Variants in GPC6 observed in about 807,000 individuals in gnomAD.
The protein encoded by GPC6 is glypican-6.
Under a neutral mutation model 55.2 loss-of-function variants are expected in GPC6, and 14 were observed. The ratio of observed to expected loss-of-function variants is 0.25; its 90% CI spans 0.17 to 0.40. The LOEUF (loss-of-function observed/expected upper bound fraction) is 0.40, where lower values mean the gene tolerates loss of function less well. Among genes scored for constraint, GPC6 ranks in the 10% least tolerant of loss-of-function variants. The pLI is 1.00. For synonymous variants in GPC6, 278 were observed against 259.6 expected (o/e 1.07, Z -0.68); for missense variants, 641 against 708.5 (o/e 0.90, Z 1.08).
At chr13:94,375,517 A>G (rs1377030305) in intron 6 of GPC6, among the ~76,000 whole-genome samples, 3 of 152,152 alleles carry the variant, frequency 2.0e-5, no homozygotes, top group African/African-American at 7.2e-5. Context: ...GAATCTCTGA[A>G]TAGACCAATA....
chr13:94,255,525 T>G (rs1891478283), intron 4 of GPC6, among the ~76,000 whole-genome samples: 1 of 152,150 alleles, frequency 6.6e-6, no homozygotes, highest in African/African-American at 2.4e-5. Context: ...TTGAAATACT[T>G]GGTTTCAGCA....
At chr13:93,506,438 A>G (rs1594220322) in intron 1 of GPC6, among the ~76,000 whole-genome samples, 1 of 152,206 alleles carries the variant, frequency 6.6e-6, no homozygotes, top group Non-Finnish European at 1.5e-5. Context: ...TGATCATTAT[A>G]CTAGCATGTC....
intron 8 of GPC6, among the ~76,000 whole-genome samples, chr13:94,399,169 A>G (rs996628681): frequency 1.3e-5 from 2 of 152,218 alleles, no homozygotes; most frequent in African/African-American, 4.8e-5. Flanking sequence ...TAGAAGCCTC[A>G]TTTGAGGAGC....
At chr13:93,286,948 A>T (rs577951308) in intron 1 of GPC6, among the ~76,000 whole-genome samples, 1 of 152,328 alleles carries the variant, frequency 6.6e-6, no homozygotes, top group South Asian at 2.1e-4. Flanking sequence ...GAAAATTGTT[A>T]GATATAGACA....
At chr13:93,485,702 T>C (rs1241802890) in intron 1 of GPC6, among the ~76,000 whole-genome samples, 1 of 152,134 alleles carries the variant, frequency 6.6e-6, no homozygotes, top group Non-Finnish European at 1.5e-5. Flanking sequence ...GTGATGCCAC[T>C]AGTGAAAACA....
At chr13:93,739,846 A>T (rs1884139511) in intron 2 of GPC6, among the ~76,000 whole-genome samples, 1 of 152,164 alleles carries the variant, frequency 6.6e-6, no homozygotes, top group Non-Finnish European at 1.5e-5. Flanking sequence ...GTCTAATGAG[A>T]GTTTGGGGAA....
intron 1 of GPC6, among the ~76,000 whole-genome samples, chr13:93,515,554 T>C (rs1881157742): frequency 6.6e-6 from 1 of 152,192 alleles, no homozygotes; most frequent in African/African-American, 2.4e-5. Flanking sequence ...TTGTGAGCCT[T>C]ATGTTTCTTC....
intron 2 of GPC6, among the ~76,000 whole-genome samples, chr13:93,565,324 C>T (rs375602679): frequency 3.3e-5 from 5 of 152,132 alleles, no homozygotes; most frequent in South Asian, 4.1e-4. Flanking sequence ...AAATGAAAAG[C>T]GTGCAAGGAA....
At chr13:94,288,757 TA>T in intron 5 of GPC6, among the ~76,000 whole-genome samples, 1 of 131,112 alleles carries the variant, frequency 7.6e-6, no homozygotes, top group South Asian at 2.2e-4. Context: ...ATAATATATA[TA>T]ATAAATATAT....
At chr13:93,271,321 T>C (rs558211145) in intron 1 of GPC6, among the ~76,000 whole-genome samples, 1 of 152,194 alleles carries the variant, frequency 6.6e-6, no homozygotes, top group Non-Finnish European at 1.5e-5. Context: ...TCAAATCTTC[T>C]ATTTGTCTCC....
intron 2 of GPC6, among the ~76,000 whole-genome samples, chr13:93,666,397 T>C (rs926412272): frequency 1.3e-5 from 2 of 152,102 alleles, no homozygotes; most frequent in African/African-American, 2.4e-5. Flanking sequence ...GGGAACTCCT[T>C]GTGCTAAATT....
chr13:94,079,666 C>G (rs945209954), intron 4 of GPC6, among the ~76,000 whole-genome samples: 2 of 152,192 alleles, frequency 1.3e-5, no homozygotes, highest in African/African-American at 2.4e-5. Flanking sequence ...CTATATTCCT[C>G]CTGACAGCCT....
At chr13:93,851,371 T>C (rs1161184843) in intron 3 of GPC6, among the ~76,000 whole-genome samples, 1 of 151,960 alleles carries the variant, frequency 6.6e-6, no homozygotes, top group African/African-American at 2.4e-5. Context: ...TGCAGTGTTC[T>C]CTATTGAATC....
At chr13:94,147,255 T>C (rs557874499) in intron 4 of GPC6, among the ~76,000 whole-genome samples, 2 of 152,304 alleles carry the variant, frequency 1.3e-5, no homozygotes, top group South Asian at 4.1e-4. Flanking sequence ...ACTCTCCTTA[T>C]TTTCTTAATT....
chr13:94,154,618 G>C (rs528283069), intron 4 of GPC6, among the ~76,000 whole-genome samples: 1 of 152,122 alleles, frequency 6.6e-6, no homozygotes, highest in Non-Finnish European at 1.5e-5. Context: ...GACCTTGGCC[G>C]AAGTCCCAGC....
At chr13:94,145,872 A>C (rs146446078) in intron 4 of GPC6, among the ~76,000 whole-genome samples, 1 of 152,304 alleles carries the variant, frequency 6.6e-6, no homozygotes, top group Non-Finnish European at 1.5e-5. Context: ...CCCAATCTGG[A>C]GGTTTGGGTA....
intron 1 of GPC6, among the ~76,000 whole-genome samples, chr13:93,483,551 C>T (rs1030705380): frequency 1.3e-5 from 2 of 152,028 alleles, no homozygotes; most frequent in African/African-American, 4.8e-5. Context: ...AACTTCCAAT[C>T]GATTTGCAGG....
At chr13:93,258,128 T>C (rs1200235493) in intron 1 of GPC6, among the ~76,000 whole-genome samples, 1 of 152,216 alleles carries the variant, frequency 6.6e-6, no homozygotes, top group Non-Finnish European at 1.5e-5. Context: ...TGAGTCTTCA[T>C]GGGAGGCAGA....
intron 2 of GPC6, among the ~76,000 whole-genome samples, chr13:93,655,074 C>A (rs1422001607): frequency 7.3e-6 from 1 of 137,290 alleles, no homozygotes; most frequent in Non-Finnish European, 1.5e-5. Flanking sequence ...ATGTCTCGAT[C>A]TCCTCGCCTC....
Sources: gnomAD v4.1 joint callset for allele counts (sites outside exome capture counted in the v4.1 genomes callset) on GRCh38, gnomAD v4.1.1 for gene constraint, MANE v1.5 for transcripts, NCBI Gene and HGNC (gene_info 2026-07-23, HGNC 2026-07-21) for gene names.